The following GOT2 variants were observed in gnomAD, a reference collection of about 807,000 sequenced individuals.
The protein encoded by GOT2 is glutamic-oxaloacetic transaminase 2.
Under a neutral mutation model 50.0 loss-of-function variants are expected in GOT2, and 17 were observed. The ratio of observed to expected loss-of-function variants is 0.34; its 90% CI spans 0.23 to 0.51. The LOEUF is 0.51. Ranked by LOEUF, GOT2 falls within the 20% of genes least tolerant of loss-of-function variation. The pLI is 0.97. For synonymous variants in GOT2, 172 were observed against 204.9 expected, an observed-to-expected ratio of 0.84 and a Z score of 1.37; for missense variants, 430 against 559.6, an observed-to-expected ratio of 0.77 and a Z score of 2.34.
intron 1 of GOT2, among the ~76,000 whole-genome samples, chr16:58,725,694 G>C (rs1048920143): frequency 6.6e-6 from 1 of 152,170 alleles, no homozygotes; most frequent in Non-Finnish European, 1.5e-5. Flanking sequence ...GTTGTACTGC[G>C]TGTGTTCACG....
At chr16:58,716,430 G>C in intron 7 of GOT2, 1 of 602,144 alleles carries the variant, frequency 1.7e-6, no homozygotes, top group Non-Finnish European at 2.9e-6. Context: ...TTTTTGTTTA[G>C]AGAAGCAGTA....
intron 3 of GOT2, among the ~76,000 whole-genome samples, chr16:58,719,716 T>C (rs1237465681): frequency 6.6e-6 from 1 of 151,966 alleles, no homozygotes; most frequent in African/African-American, 2.4e-5. Context: ...GACTGTGCCA[T>C]TGCATTCTAG....
chr16:58,723,713 T>A, intron 2 of GOT2, 33 bp downstream of exon 2: 1 of 1,576,952 alleles, frequency 6.3e-7, no homozygotes, highest in Non-Finnish European at 8.7e-7. Flanking sequence ...AGTTTATTCA[T>A]CCCATTCAAA....
At chr16:58,715,273 C>A (rs2044682400) in intron 8 of GOT2, among the ~76,000 whole-genome samples, 1 of 152,104 alleles carries the variant, frequency 6.6e-6, no homozygotes, top group African/African-American at 2.4e-5. Flanking sequence ...AGGAAGTTTT[C>A]CTATGTAAGG....
chr16:58,721,414 C>T (rs1460432231), intron 3 of GOT2, among the ~76,000 whole-genome samples: 8 of 152,176 alleles, frequency 5.3e-5, no homozygotes, highest in Admixed American at 5.2e-4. Context: ...CCAGACTGGT[C>T]CAGCCCCCAC....
At position 58,723,784 on chromosome 16, in the gene GOT2, C is replaced by A. The variant is rs1160276015; in HGVS notation, c.208G>T (p.Asp70Tyr). ...GGCAGAACGTAAGGCTTTCCATTAT[C>A]ATCCCGGTAGGCACCAACTCCCAGA... The part of the protein sequence containing the change: ...MNLGVGAYRD[D>Y]NGKPYVLPSV... The change falls in exon 2 of 10, where the codon GAT (aspartate) becomes TAT (tyrosine). Residue 70 changes from aspartate to tyrosine, a missense_variant. By Grantham distance (160) the Asp-to-Tyr change is radical (BLOSUM62 -3). Transcript: ENST00000245206. 1 of 1,612,926 alleles carries A rather than the reference C, an allele frequency of 6.2e-7. No homozygotes were observed. Among genetic ancestry groups the A allele is most frequent in the East Asian group, 2.2e-5 (1 of 44,882 alleles).
Position 58,722,208 on chromosome 16 carries a change from C to A in GOT2, c.317G>T (p.Cys106Phe), listed in dbSNP as rs1348105650. The change falls in exon 3 of 10, where the codon TGC (cysteine) becomes TTC (phenylalanine). Residue 106 changes from cysteine (C) to phenylalanine (F), a missense_variant. By Grantham distance (205) the Cys-to-Phe change is radical (BLOSUM62 -2). Transcript: ENST00000245206. ...CAGGGCTAGTTCTGCAGATGCCTTG[C>A]AAAATTCAGCCAGTCCCCCAATGGG... The part of the protein sequence containing the change: ...YLPIGGLAEF[C>F]KASAELALGE... The A allele has an allele frequency of 6.2e-7, 1 of 1,612,704 alleles. No homozygotes were observed. The highest frequency in any genetic ancestry group is 8.5e-7 in the Non-Finnish European group (1 of 1,179,964).
intron 3 of GOT2, among the ~76,000 whole-genome samples, chr16:58,719,857 G>A (rs10500407): frequency 0.024 from 3,585 of 152,170 alleles, 172 homozygotes; most frequent in Admixed American, 0.12. Context: ...AAACATCAAA[G>A]TTCCTTGAAA....
At chr16:58,730,905 C>T (rs1555509692) in intron 1 of GOT2, among the ~76,000 whole-genome samples, 1 of 152,152 alleles carries the variant, frequency 6.6e-6, no homozygotes, top group Non-Finnish European at 1.5e-5. Context: ...CACAAAGCCT[C>T]AAACATTGAG....
At chr16:58,728,732 C>T (rs1261200929) in intron 1 of GOT2, among the ~76,000 whole-genome samples, 2 of 152,172 alleles carry the variant, frequency 1.3e-5, no homozygotes, top group African/African-American at 2.4e-5. Context: ...CCAGGCTGAA[C>T]TGTAGTGGCA....
At chr16:58,720,134 G>A (rs147918688) in intron 3 of GOT2, among the ~76,000 whole-genome samples, 2,551 of 152,302 alleles carry the variant, frequency 0.017, 65 homozygotes, top group African/African-American at 0.053. Context: ...CCCAGGAGGC[G>A]GAGGTTGCGT....
chr16:58,718,502 C>T lies in GOT2; in HGVS notation c.597+25G>A, dbSNP rs775251520. The T allele has an allele frequency of 1.2e-5, 19 of 1,554,372 alleles. No homozygotes were observed. The African/African-American group carries it at 2.3e-4, about 19-fold the overall frequency. On this transcript the variant is annotated intron_variant, in intron 5 of 9. Coordinates refer to ENST00000245206, the MANE Select transcript of GOT2 (RefSeq NM_002080.4). ...CGCAAGCAAGGAGTTTTATTCACCT[C>T]TCTCACCCTGAAAGCCACACTTACT...
At chr16:58,710,031 GC>G (rs1164838054) in intron 8 of GOT2, among the ~76,000 whole-genome samples, 2 of 152,132 alleles carry the variant, frequency 1.3e-5, no homozygotes, top group Non-Finnish European at 2.9e-5. Context: ...GCTAGGGTAA[GC>G]TATGATGTTT....
intron 7 of GOT2, 87 bp from the exon 8 acceptor site, chr16:58,716,266 G>A: frequency 2.3e-6 from 3 of 1,309,420 alleles, no homozygotes; most frequent in Non-Finnish European, 3.2e-6. Context: ...CGTATTATCT[G>A]TTTCCATCCA....
rs753078677 is a variant in GOT2, at chr16:58,709,515, G to C, written c.1072C>G (p.Leu358Val). 1.2e-6 allele frequency: 2 copies of C among 1,613,588 alleles called. No homozygotes were observed. Among genetic ancestry groups the C allele is most frequent in the South Asian group, 2.2e-5 (2 of 91,076 alleles). Residue 358 changes from leucine (L) to valine (V), a missense_variant, in exon 9 of 10, where the codon CTG becomes GTG. Physicochemically the swap from Leu to Val is conservative, Grantham distance 32. Coordinates refer to ENST00000245206, the MANE Select transcript of GOT2 (RefSeq NM_002080.4). ...CCCTCCTTCTTGAGGTTGGAGACCA[G>C]TTGAGTCCGCATGCCAATGATGCGG... ...ADRIIGMRTQ[L>V]VSNLKKEGST...
chr16:58,732,257 T>C (rs1415462274), intron 1 of GOT2, among the ~76,000 whole-genome samples: 1 of 152,134 alleles, frequency 6.6e-6, no homozygotes, highest in African/African-American at 2.4e-5. Context: ...TGAGCCATGA[T>C]TGTGCCACTG....
intron 9 of GOT2, 71 bp from the exon 10 acceptor site, chr16:58,708,364 T>C (rs2044619556): frequency 2.7e-6 from 4 of 1,455,544 alleles, no homozygotes; most frequent in Admixed American, 1.9e-5. Flanking sequence ...CATGGCACAG[T>C]AGCCAACTTA....
At chr16:58,724,462 C>G (rs79937552) in intron 1 of GOT2, among the ~76,000 whole-genome samples, 3,230 of 152,070 alleles carry the variant, frequency 0.021, 113 homozygotes, top group African/African-American at 0.073. Context: ...TCCCATATAC[C>G]CTTACCCCCA....
rs919505135 is a variant in GOT2 at position 58,721,946 on chromosome 16, A to C, written c.375+204T>G. ...CAGGCATGTGTCACCATGCCCGGCT[A>C]ATTTTGTATTTTTAGTAGAGATGGG... On this transcript the variant is annotated intron_variant, in intron 3 of 9. Coordinates refer to ENST00000245206, the MANE Select transcript of GOT2 (RefSeq NM_002080.4). 1.5e-5 allele frequency: 6 copies of C among 410,702 alleles called. No homozygotes were observed. In the Admixed American group the frequency reaches 1.9e-4, roughly 13 times the overall value. The allele number at this position is 410,702 out of a possible 1,614,324, so 25.4% of individuals were successfully genotyped here.
Sources: allele counts gnomAD v4.1 joint callset (sites outside exome capture counted in the v4.1 genomes callset), GRCh38; gene constraint gnomAD v4.1.1; transcripts MANE v1.5; gene names NCBI Gene and HGNC (gene_info 2026-07-23, HGNC 2026-07-21).